Variants in MARCHF1 observed in about 807,000 individuals in gnomAD.
MARCHF1 encodes E3 ubiquitin-protein ligase MARCHF1.
A neutral mutation model predicts 54.2 loss-of-function variants in MARCHF1; 40 were observed. That is an observed-to-expected ratio of 0.74 (90% confidence interval 0.57 to 0.96). MARCHF1 has a LOEUF of 0.96. MARCHF1 is among the 40% of genes least tolerant of loss of function. MARCHF1 has a pLI of 0.00. For missense variants in MARCHF1, 586 were observed against 656.5 expected (o/e 0.89, Z 1.17); for synonymous variants, 236 against 236.3 (o/e 1.00, Z 0.01).
At chr4:164,379,124 T>C (rs1256140793) in intron 1 of MARCHF1, among the ~76,000 whole-genome samples, 1 of 152,184 alleles carries the variant, frequency 6.6e-6, no homozygotes, top group Non-Finnish European at 1.5e-5. Flanking sequence ...AGAATAAGTT[T>C]GATTAATATG....
chr4:163,753,637 A>G (rs1746587419), intron 4 of MARCHF1, among the ~76,000 whole-genome samples: 1 of 152,150 alleles, frequency 6.6e-6, no homozygotes, highest in Non-Finnish European at 1.5e-5. Context: ...GGGAGCTGAA[A>G]GAAGTATTTC....
chr4:164,376,298 A>T (rs141790307), intron 1 of MARCHF1, among the ~76,000 whole-genome samples: 1 of 152,346 alleles, frequency 6.6e-6, no homozygotes, highest in African/African-American at 2.4e-5. Context: ...TTGTAAAGAA[A>T]GTATCTCTGA....
intron 4 of MARCHF1, among the ~76,000 whole-genome samples, chr4:163,752,447 CTTTAA>C (rs1261352919): frequency 1.3e-5 from 2 of 152,126 alleles, no homozygotes; most frequent in Non-Finnish European, 2.9e-5. Context: ...GCCTACTTGG[CTTTAA>C]TTTTTCATTT....
intron 3 of MARCHF1, among the ~76,000 whole-genome samples, chr4:163,896,788 T>TC (rs1281308730): frequency 6.6e-6 from 1 of 152,172 alleles, no homozygotes; most frequent in African/African-American, 2.4e-5. Flanking sequence ...AAGCCTCTTT[T>TC]CCCCAAAGCT....
At position 164,025,465 on chromosome 4, in the gene MARCHF1, T is replaced by C. The variant is rs926108326; in HGVS notation, c.-247-36756A>G. Among the ~76,000 whole-genome samples the C allele has an allele frequency of 3.3e-5, 5 of 152,066 alleles. No individual in the cohort carries two copies. The South Asian group carries it at 8.3e-4, about 25-fold the overall frequency. The stretch of plus-strand genomic sequence containing the variant: ...CAAAACTACACAAGCACATAGAAGT[T>C]AAACAACTTGCTCCTGAATAATTCC... On this transcript the variant is annotated intron_variant, in intron 2 of 9. Transcript: ENST00000514618.
At chr4:164,202,573 G>A (rs1159590947) in intron 1 of MARCHF1, among the ~76,000 whole-genome samples, 1 of 152,144 alleles carries the variant, frequency 6.6e-6, no homozygotes, top group Non-Finnish European at 1.5e-5. Flanking sequence ...CATTATATAT[G>A]TTAGAAAATC....
At position 163,854,012 on chromosome 4, in the gene MARCHF1, T is replaced by C; in HGVS notation, c.111+9A>G. 1 of 1,536,178 alleles carries C rather than the reference T, an allele frequency of 6.5e-7. No homozygotes were observed. The highest frequency in any genetic ancestry group is 8.7e-7 in the Non-Finnish European group (1 of 1,146,358). On this transcript the variant is annotated intron_variant, in intron 4 of 9. Transcript: ENST00000514618. ...AAGCCAATTTGAGGTAAAGTAACTT[T>C]CCACTCACCAATGTGGAGGTTTGTG...
intron 5 of MARCHF1, among the ~76,000 whole-genome samples, chr4:163,660,831 T>A (rs1340632285): frequency 6.6e-6 from 1 of 151,848 alleles, no homozygotes; most frequent in Non-Finnish European, 1.5e-5. Context: ...GAATCCAAAT[T>A]CAAAAAAATT....
chr4:164,166,233 T>C (rs1408096895), intron 1 of MARCHF1, among the ~76,000 whole-genome samples: 2 of 151,994 alleles, frequency 1.3e-5, no homozygotes, highest in Admixed American at 6.6e-5. Context: ...CCTTTTCCAC[T>C]GGCATCCCTA....
At chr4:163,794,174 A>T (rs184649412) in intron 4 of MARCHF1, among the ~76,000 whole-genome samples, 24 of 152,346 alleles carry the variant, frequency 1.6e-4, no homozygotes, top group Admixed American at 1.3e-3. Context: ...GGTACAGAAT[A>T]CTGTGATTCC....
intron 2 of MARCHF1, among the ~76,000 whole-genome samples, chr4:164,098,241 T>G (rs1384817435): frequency 2.0e-5 from 3 of 152,198 alleles, no homozygotes; most frequent in Non-Finnish European, 4.4e-5. Context: ...TTTATTCTAA[T>G]TTTTGAAGTA....
chr4:163,929,168 T>A lies in MARCHF1; in HGVS notation c.-39+59333A>T, dbSNP rs374167866. Among the ~76,000 whole-genome samples, 261 of 152,180 alleles carry A rather than the reference T, an allele frequency of 1.7e-3. 7 individuals are homozygous for A. The South Asian group carries it at 0.053, about 31-fold the overall frequency. Reference sequence around the variant, plus strand: ...TCTTCTATATCCAGCTACATTAATCTTGATATTTAAAATTATGGTAGAGAA... The same window carrying A: ...TCTTCTATATCCAGCTACATTAATCATGATATTTAAAATTATGGTAGAGAA... On this transcript the variant is annotated intron_variant, in intron 3 of 9. Coordinates refer to ENST00000514618, the MANE Select transcript of MARCHF1 (RefSeq NM_001394959.1).
chr4:164,286,940 A>G (rs1392736631), intron 1 of MARCHF1, among the ~76,000 whole-genome samples: 2 of 149,974 alleles, frequency 1.3e-5, no homozygotes, highest in Non-Finnish European at 3.0e-5. Context: ...TGTGGTGGAA[A>G]ATCCTGGGTT....
At chr4:163,776,722 T>C (rs1199742827) in intron 4 of MARCHF1, among the ~76,000 whole-genome samples, 1 of 152,180 alleles carries the variant, frequency 6.6e-6, no homozygotes, top group East Asian at 1.9e-4. Flanking sequence ...ATACTCAAGT[T>C]ATTTTCTGTG....
At chr4:164,366,547 A>G (rs1730885237) in intron 1 of MARCHF1, among the ~76,000 whole-genome samples, 1 of 152,006 alleles carries the variant, frequency 6.6e-6, no homozygotes. Flanking sequence ...ACATAGACAT[A>G]CAACAAATAC....
At chr4:163,625,226 C>A (rs532102923) in intron 5 of MARCHF1, among the ~76,000 whole-genome samples, 83 of 152,288 alleles carry the variant, frequency 5.5e-4, no homozygotes, top group Admixed American at 1.6e-3. Flanking sequence ...TTTATGTACA[C>A]CCATTTTTCT....
intron 1 of MARCHF1, among the ~76,000 whole-genome samples, chr4:164,186,314 T>C (rs561511835): frequency 6.6e-6 from 1 of 152,320 alleles, no homozygotes; most frequent in East Asian, 1.9e-4. Context: ...AACTAATCAT[T>C]ACTTTGGTGA....
At chr4:164,309,496 C>T (rs2111420501) in intron 1 of MARCHF1, among the ~76,000 whole-genome samples, 1 of 150,824 alleles carries the variant, frequency 6.6e-6, no homozygotes, top group South Asian at 2.1e-4. Context: ...GCACAGCATC[C>T]TCAGTCAGGG....
intron 2 of MARCHF1, among the ~76,000 whole-genome samples, chr4:164,001,060 A>G (rs1340391058): frequency 2.0e-5 from 3 of 151,838 alleles, no homozygotes; most frequent in Non-Finnish European, 4.4e-5. Context: ...AAATTATTAT[A>G]TAAAGCTTTC....
Sources: allele counts gnomAD v4.1 joint callset (sites outside exome capture counted in the v4.1 genomes callset), GRCh38; gene constraint gnomAD v4.1.1; transcripts MANE v1.5; gene names NCBI Gene and HGNC (gene_info 2026-07-23, HGNC 2026-07-21).